Variants in MRPL28 observed in about 807,000 individuals in gnomAD.
MRPL28 encodes mitochondrial ribosomal protein L28.
Under a neutral mutation model 26.2 loss-of-function variants are expected in MRPL28, and 25 were observed. The observed-to-expected ratio is 0.95, with a 90% CI of 0.69 to 1.33. The LOEUF is 1.33. Ranked by LOEUF, MRPL28 falls within the 40% of genes most tolerant of loss-of-function variation. The pLI is 0.00. For synonymous variants in MRPL28, 227 were observed against 140.1 expected, an observed-to-expected ratio of 1.62 and a Z score of -4.38; for missense variants, 432 against 327.2, an observed-to-expected ratio of 1.32 and a Z score of -2.47.
chr16:367,134 G>A lies in MRPL28; in HGVS notation c.*541C>T, dbSNP rs878900720. On this transcript the variant is annotated 3_prime_UTR_variant, in exon 6 of 6. Coordinates refer to ENST00000199706, the MANE Select transcript of MRPL28 (RefSeq NM_006428.5). Reference sequence around the variant, plus strand: ...ACAGGACAATCACTTGAACTCTGGAGGTGGAGGTTGTAGTGAGTCCAGATC... The same window carrying A: ...ACAGGACAATCACTTGAACTCTGGAAGTGGAGGTTGTAGTGAGTCCAGATC... Among the ~76,000 whole-genome samples, 4 of 152,222 alleles carry A rather than the reference G, an allele frequency of 2.6e-5. No homozygotes were observed. Among genetic ancestry groups the A allele is most frequent in the African/African-American group, 9.7e-5 (4 of 41,450 alleles).
chr16:369,547 TC>T, intron 2 of MRPL28: 2 of 607,284 alleles, frequency 3.3e-6, no homozygotes. Flanking sequence ...GACACAAGTC[TC>T]CCCACAGGCT....
chr16:369,202 T>G lies in MRPL28; in HGVS notation c.307A>C (p.Lys103Gln). The G allele has an allele frequency of 1.2e-6, 2 of 1,613,982 alleles. No individual in the cohort carries two copies. The highest frequency in any genetic ancestry group is 8.5e-7 in the Non-Finnish European group (1 of 1,179,938). ...NNDKLSKRLK[K>Q]VWKPQLFERE... ...TCAAACAGCTGTGGCTTCCACACTT[T>G]CTTCAGCCTCTTGGAGAGCTGAGGG... Residue 103 changes from lysine (K) to glutamine (Q), a missense_variant, in exon 3 of 6, where the codon AAA becomes CAA. Lys to Gln is a moderately conservative substitution (Grantham distance 53, BLOSUM62 1). Coordinates refer to ENST00000199706, the MANE Select transcript of MRPL28 (RefSeq NM_006428.5).
chr16:367,141 G>A lies in MRPL28; in HGVS notation c.*534C>T, dbSNP rs957557643. Among the ~76,000 whole-genome samples the A allele has an allele frequency of 5.9e-5, 9 of 152,166 alleles. No individual in the cohort carries two copies. The highest frequency in any genetic ancestry group is 2.1e-4 in the South Asian group (1 of 4,830). On this transcript the variant is annotated 3_prime_UTR_variant, in exon 6 of 6. Transcript: ENST00000199706. ...AATCACTTGAACTCTGGAGGTGGAG[G>A]TTGTAGTGAGTCCAGATCGTGCCAC...
chr16:369,093 T>G lies in MRPL28; in HGVS notation c.416A>C (p.Tyr139Ser). ...MRTLDLIDEA[Y>S]GLDFYILKTP... ...CTTGAGGATGTAAAAGTCGAGCCCA[T>G]AAGCCTCATCGATGAGGTCCAGGGT... Residue 139 changes from tyrosine to serine, a missense_variant, in exon 3 of 6, where the codon TAT becomes TCT. Transcript: ENST00000199706. The G allele has an allele frequency of 6.2e-7, 1 of 1,613,932 alleles. No homozygotes were observed. The highest frequency in any genetic ancestry group is 2.2e-5 in the East Asian group (1 of 44,884).
At chr16:369,842 C>A (rs901229875) in intron 2 of MRPL28, 89 bp downstream of exon 2, 2 of 1,490,142 alleles carry the variant, frequency 1.3e-6, no homozygotes, top group Non-Finnish European at 1.8e-6. Context: ...AGGGCCCACC[C>A]AGGTCTCTCC....
At chr16:367,858 A>G in intron 5 of MRPL28, 76 bp from the exon 6 acceptor site, 1 of 1,295,316 alleles carries the variant, frequency 7.7e-7, no homozygotes, top group East Asian at 2.4e-5. Flanking sequence ...TGGGATCAGC[A>G]GCTGCCGCCC....
In MRPL28 at chr16:367,445, T is replaced by C. The variant is rs2141743949; in HGVS notation, c.*230A>G. ...CCGGCCCCACGGGCACAAGGAACAC[T>C]GCCGCAAACGTCGGGGCCCAGCCTG... On this transcript the variant is annotated 3_prime_UTR_variant, in exon 6 of 6. Coordinates refer to ENST00000199706, the MANE Select transcript of MRPL28 (RefSeq NM_006428.5). The C allele has an allele frequency of 1.4e-6, 1 of 715,308 alleles. No individual in the cohort carries two copies. The highest frequency in any genetic ancestry group is 2.6e-6 in the Non-Finnish European group (1 of 383,660). The allele number at this position is 715,308 out of a possible 1,614,324, so 44.3% of individuals were successfully genotyped here.
chr16:368,686 C>T (rs1264869446), intron 3 of MRPL28, 51 bp from the exon 4 acceptor site: 1 of 1,515,196 alleles, frequency 6.6e-7, no homozygotes, highest in Non-Finnish European at 8.8e-7. Flanking sequence ...GCCCCACCTA[C>T]CCTTCCAGCC....
intron 2 of MRPL28, chr16:369,597 G>A (rs750557477): frequency 2.8e-5 from 17 of 609,834 alleles, no homozygotes; most frequent in Middle Eastern, 2.6e-4. Context: ...AAGCAGCCTC[G>A]AAGCTCTGCT....
At position 369,305 on chromosome 16, in the gene MRPL28, C is replaced by A. The variant is rs145471315; in HGVS notation, c.289-85G>T. The A allele has an allele frequency of 1.1e-4, 172 of 1,508,336 alleles. 2 individuals carry two copies. Among genetic ancestry groups the A allele is most frequent in the South Asian group, 1.1e-3 (92 of 81,370 alleles). The allele number at this position is 1,508,336 out of a possible 1,614,324, so 93.4% of individuals were successfully genotyped here. A position where few individuals can be genotyped will look rare whatever the true frequency, so the allele number is the denominator to read the frequency against. ...CCCAGGCAACTGCCCTCACCTCCCC[C>A]CCGGAGGCTCCATCACAGAACCACT... On this transcript the variant is annotated intron_variant, in intron 2 of 5. Coordinates refer to ENST00000199706, the MANE Select transcript of MRPL28 (RefSeq NM_006428.5).
chr16:368,099 T>G (rs559482221), intron 5 of MRPL28, among the ~76,000 whole-genome samples: 15 of 152,210 alleles, frequency 9.9e-5, no homozygotes, highest in African/African-American at 3.6e-4. Flanking sequence ...AAACCCTCAG[T>G]GCAGGAACCC....
rs781235007 is a variant in MRPL28, at chr16:369,043, C to T, written c.441+25G>A. 1.9e-6 allele frequency: 3 copies of T among 1,610,078 alleles called. No homozygotes were observed. In the South Asian group the frequency reaches 3.3e-5, roughly 18 times the overall value. On this transcript the variant is annotated intron_variant, in intron 3 of 5. Transcript: ENST00000199706. ...ACTGGCCCATCCCAGACCCTGTGTG[C>T]ACTGACTCGCCCCACCCCGCTTGCC...
chr16:367,830 C>G (rs755556014), intron 5 of MRPL28, 48 bp from the exon 6 acceptor site: 1 of 1,537,740 alleles, frequency 6.5e-7, no homozygotes, highest in Non-Finnish European at 9.0e-7. Flanking sequence ...CCCAGGGCAG[C>G]TGGAGTTCCG....
chr16:369,466 G>A, intron 2 of MRPL28: 1 of 631,230 alleles, frequency 1.6e-6, no homozygotes, highest in Non-Finnish European at 2.9e-6. Flanking sequence ...CTGGTCACAT[G>A]GTTGCTGCAT....
intron 3 of MRPL28, 124 bp downstream of exon 3, chr16:368,944 C>CT: frequency 2.3e-6 from 3 of 1,279,746 alleles, no homozygotes; most frequent in Non-Finnish European, 3.2e-6. Flanking sequence ...CCCACTCACG[C>CT]TTTCCCAGTG....
Position 368,654 on chromosome 16 carries a change from G to T in MRPL28, c.442-19C>A, listed in dbSNP as rs761788977. Reference sequence around the variant, plus strand: ...TCGGGGTCTGGCAGAAGGCTCACATGGGGCCAGGTGCTGGTGGCAGGGCCC... The same window carrying T: ...TCGGGGTCTGGCAGAAGGCTCACATTGGGCCAGGTGCTGGTGGCAGGGCCC... On this transcript the variant is annotated intron_variant, in intron 3 of 5. Transcript: ENST00000199706. 17 of 1,530,772 alleles carry T rather than the reference G, an allele frequency of 1.1e-5. No individual in the cohort carries two copies. Among genetic ancestry groups the T allele is most frequent in the Non-Finnish European group, 1.5e-5 (17 of 1,139,670 alleles). 94.8% of individuals were successfully genotyped at this position (1,530,772 alleles called of 1,614,324 possible).
chr16:368,444 AGGCCCAGGGCC>A, intron 4 of MRPL28, 30 bp from the exon 5 acceptor site: 3 of 1,613,526 alleles, frequency 1.9e-6, no homozygotes, highest in Non-Finnish European at 1.7e-6. Flanking sequence ...AAGGGCAGTG[AGGCCCAGGGCC>A]GGGCCACGAG....
chr16:368,840 G>C, intron 3 of MRPL28: 2 of 1,000,588 alleles, frequency 2.0e-6, no homozygotes, highest in South Asian at 1.7e-5. Flanking sequence ...GGCTGTGCTC[G>C]CTCAGGCCCC....
chr16:369,373 G>T, intron 2 of MRPL28, 153 bp from the exon 3 acceptor site: 1 of 936,024 alleles, frequency 1.1e-6, no homozygotes, highest in Non-Finnish European at 1.6e-6. Flanking sequence ...CCGGCCCCCA[G>T]CCCAGTGCCG....
Sources: gnomAD v4.1 joint callset for allele counts (sites outside exome capture counted in the v4.1 genomes callset) on GRCh38, gnomAD v4.1.1 for gene constraint, MANE v1.5 for transcripts, NCBI Gene and HGNC (gene_info 2026-07-23, HGNC 2026-07-21) for gene names.